The following LMOD3 variants were observed in gnomAD, a reference collection of about 807,000 sequenced individuals.
LMOD3 encodes leiomodin 3.
Under a neutral mutation model 41.8 loss-of-function variants are expected in LMOD3, and 31 were observed. The observed-to-expected ratio is 0.74, with a 90% confidence interval of 0.56 to 1.00. The LOEUF (loss-of-function observed/expected upper bound fraction) is 1.00. LMOD3 is among the 50% of genes least tolerant of loss of function. LMOD3 has a pLI of 0.00. For synonymous variants in LMOD3, 292 were observed against 241.9 expected (o/e 1.21, Z -1.92); for missense variants, 755 against 679.5 (o/e 1.11, Z -1.23).
intron 2 of LMOD3, among the ~76,000 whole-genome samples, chr3:69,113,269 A>G (rs2092357597): frequency 1.3e-5 from 2 of 152,200 alleles, no homozygotes; most frequent in South Asian, 4.1e-4. Flanking sequence ...TTGGGGACAG[A>G]TTGAACGTGC....
At chr3:69,112,261 C>T (rs1229434233) in intron 2 of LMOD3, among the ~76,000 whole-genome samples, 2 of 152,152 alleles carry the variant, frequency 1.3e-5, no homozygotes, top group African/African-American at 4.8e-5. Context: ...CACTCAGAGG[C>T]TTGGAGGCAG....
rs1441509750 is a variant in LMOD3 at position 69,122,526 on chromosome 3, T to TC, written c.-141dup. On this transcript the variant is annotated 5_prime_UTR_variant, in exon 1 of 3. Transcript: ENST00000420581. ...CACCCTTGAGATATTTTTTTTTTTT[T>TC]CCCAGGAACCTCAGTGGTTTGCTGA... 1.4e-5 allele frequency: 9 copies of TC among 631,382 alleles called. No homozygotes were observed. Among genetic ancestry groups the TC allele is most frequent in the African/African-American group, 1.1e-4 (6 of 53,836 alleles). 39.1% of individuals were successfully genotyped at this position (631,382 alleles called of 1,614,324 possible).
At chr3:69,117,065 C>T (rs1327530773) in intron 2 of LMOD3, among the ~76,000 whole-genome samples, 1 of 152,204 alleles carries the variant, frequency 6.6e-6, no homozygotes, top group Non-Finnish European at 1.5e-5. Flanking sequence ...AAACAATACC[C>T]CAATTCATTC....
At chr3:69,110,298 C>T (rs531881917) in intron 2 of LMOD3, among the ~76,000 whole-genome samples, 12 of 151,890 alleles carry the variant, frequency 7.9e-5, no homozygotes, top group Admixed American at 5.9e-4. Flanking sequence ...GGCATGATCC[C>T]GGCTCAAGAC....
rs1416850626 is a variant in LMOD3, at chr3:69,122,379, T to C, written c.8A>G (p.Glu3Gly). The C allele has an allele frequency of 6.4e-7, 1 of 1,572,700 alleles. No homozygotes were observed. The highest frequency in any genetic ancestry group is 8.6e-7 in the Non-Finnish European group (1 of 1,157,096). ...TTCTTGATCTGAATTTCTGCTGTGC[T>C]CTGACATTATTTTTTCTAAATATTA... MS[E>G]HSRNSDQEEL... Residue 3 changes from glutamate (E) to glycine (G), a missense_variant, in exon 1 of 3, where the codon GAG becomes GGG. By Grantham distance (98) the Glu-to-Gly change is moderately conservative. Transcript: ENST00000420581.
chr3:69,116,331 T>C (rs548533140), intron 2 of LMOD3, among the ~76,000 whole-genome samples: 31 of 152,318 alleles, frequency 2.0e-4, no homozygotes, highest in African/African-American at 7.5e-4. Context: ...AACAGATCTG[T>C]CACAGGCCAA....
In LMOD3 at chr3:69,119,949, C is replaced by T. The variant is rs755727319; in HGVS notation, c.406G>A (p.Gly136Ser). The change falls in exon 2 of 3, where the codon GGC becomes AGC. Residue 136 changes from glycine (G) to serine (S), a missense_variant. Coordinates refer to ENST00000420581, the MANE Select transcript of LMOD3 (RefSeq NM_198271.5). ...EIVANKRESK[G>S]SSNIQETDEE... Reference sequence around the variant, plus strand: ...TCTGTTTCTTGGATATTGCTGCTGCCCTTTGATTCTCTTTTATTTGCAACT... The same window carrying T: ...TCTGTTTCTTGGATATTGCTGCTGCTCTTTGATTCTCTTTTATTTGCAACT... 1.1e-5 allele frequency: 17 copies of T among 1,572,140 alleles called. No homozygotes were observed. In the East Asian group the frequency reaches 3.9e-4, roughly 36 times the overall value.
rs967476458 is a variant in LMOD3, at chr3:69,107,968, G to A, written c.*1127C>T. 5.3e-5 allele frequency: 8 copies of A among 152,186 alleles called. No homozygotes were observed. The highest frequency in any genetic ancestry group is 1.9e-4 in the African/African-American group (8 of 41,444). The allele number at this position is 152,186 out of a possible 1,614,324, so 9.4% of individuals were successfully genotyped here. On this transcript the variant is annotated 3_prime_UTR_variant, in exon 3 of 3. Transcript: ENST00000420581. ...GACCCGGGAGTTGAAGACTGGGTAGGACGTTCATTAATGGAGAACAGGAGG... is the reference window on the plus strand; with the variant it reads ...GACCCGGGAGTTGAAGACTGGGTAGAACGTTCATTAATGGAGAACAGGAGG...
rs560994239 is a variant in LMOD3 at position 69,119,715 on chromosome 3, A to G, written c.640T>C (p.Ser214Pro). 1.2e-6 allele frequency: 2 copies of G among 1,613,810 alleles called. No homozygotes were observed. Among genetic ancestry groups the G allele is most frequent in the East Asian group, 2.2e-5 (1 of 44,868 alleles). Residue 214 changes from serine to proline, a missense_variant, in exon 2 of 3, where the codon TCG becomes CCG. Physicochemically the swap from Ser to Pro is moderately conservative, Grantham distance 74 (BLOSUM62 -1). Transcript: ENST00000420581. ...EAQEQSEKKI[S>P]KLDPKKLALD... is the part of the protein sequence containing the mutation. ...GCTAACTTCTTAGGATCTAATTTCG[A>G]TATTTTTTTCTCACTTTGTTCTTGG...
chr3:69,113,131 G>A (rs1307389048), intron 2 of LMOD3, among the ~76,000 whole-genome samples: 5 of 152,078 alleles, frequency 3.3e-5, no homozygotes, highest in East Asian at 1.9e-4. Flanking sequence ...GGGGAGGAGG[G>A]GTCGAAGGAA....
Position 69,119,264 on chromosome 3 carries a change from A to C in LMOD3, c.1091T>G (p.Leu364Trp). ...CTTCAGGAGAGTGTTGTTTGCCTTC[A>C]AAAGCCTGGCTATTTCCATTTCAGC... ...HHAEMEIARL[L>W]KANNTLLKMG... is the part of the protein sequence containing the mutation. Residue 364 changes from leucine (L) to tryptophan (W), a missense_variant, in exon 2 of 3, where the codon TTG (leucine) becomes TGG (tryptophan). Coordinates refer to ENST00000420581, the MANE Select transcript of LMOD3 (RefSeq NM_198271.5). 1 of 1,613,952 alleles carries C rather than the reference A, an allele frequency of 6.2e-7. No homozygotes were observed.
rs2092329275 is a variant in LMOD3 at position 69,107,615 on chromosome 3, T to C, written c.*1480A>G. ...CCTCAGCCTCCCGAGTAGCTGGGAT[T>C]ACAGGTGCCTGCCATCATGCCCAGC... is the stretch of plus-strand genomic sequence containing the variant. On this transcript the variant is annotated 3_prime_UTR_variant, in exon 3 of 3. Coordinates refer to ENST00000420581, the MANE Select transcript of LMOD3 (RefSeq NM_198271.5). The C allele has an allele frequency of 6.6e-6, 1 of 151,530 alleles. No homozygotes were observed. Among genetic ancestry groups the C allele is most frequent in the African/African-American group, 2.4e-5 (1 of 41,142 alleles). 9.4% of individuals were successfully genotyped at this position (151,530 alleles called of 1,614,324 possible). A position where few individuals can be genotyped will look rare whatever the true frequency, so the allele number is the denominator to read the frequency against.
intron 1 of LMOD3, among the ~76,000 whole-genome samples, chr3:69,121,544 C>T (rs1018288076): frequency 1.3e-5 from 2 of 152,304 alleles, no homozygotes; most frequent in Middle Eastern, 6.8e-3. Flanking sequence ...TAATAGCCAT[C>T]GATTTCTAAA....
At chr3:69,110,555 T>C (rs1375250739) in intron 2 of LMOD3, among the ~76,000 whole-genome samples, 1 of 149,970 alleles carries the variant, frequency 6.7e-6, no homozygotes, top group East Asian at 2.1e-4. Context: ...AAGAGTTTTA[T>C]AACAAGGCTG....
chr3:69,110,853 A>AAAAAAAT (rs1458630453), intron 2 of LMOD3, among the ~76,000 whole-genome samples: 8 of 104,122 alleles, frequency 7.7e-5, no homozygotes, highest in Admixed American at 4.7e-4. Context: ...AAAAAAAAAA[A>AAAAAAAT]ATATATATAT....
At chr3:69,112,881 T>C (rs1464330396) in intron 2 of LMOD3, among the ~76,000 whole-genome samples, 2 of 152,244 alleles carry the variant, frequency 1.3e-5, no homozygotes, top group Admixed American at 6.5e-5. Context: ...TGAGAATCAC[T>C]ATATGGACTT....
chr3:69,116,642 T>A (rs2092374871), intron 2 of LMOD3, among the ~76,000 whole-genome samples: 1 of 152,228 alleles, frequency 6.6e-6, no homozygotes, highest in African/African-American at 2.4e-5. Context: ...AAAACTGTAG[T>A]GTTCTCAGTT....
chr3:69,119,324 C>T lies in LMOD3; in HGVS notation c.1031G>A (p.Arg344Gln), dbSNP rs558303713. 2.7e-5 allele frequency: 43 copies of T among 1,613,880 alleles called. No individual in the cohort carries two copies. In the South Asian group the frequency reaches 4.2e-4, roughly 16 times the overall value. Residue 344 changes from arginine to glutamine, a missense_variant, in exon 2 of 3, where the codon CGG (arginine) becomes CAG (glutamine). By Grantham distance (43) the Arg-to-Gln change is conservative. Transcript: ENST00000420581. ...CAACATGTGCCTCTGATTGTGAAAC[C>T]GAAGCTCAGTTAGCGTCTCATTAAA... ...LQFNETLTELRFHNQRHMLGH... is the reference protein window; with the variant it reads ...LQFNETLTELQFHNQRHMLGH...
intron 2 of LMOD3, 43 bp from the exon 3 acceptor site, chr3:69,109,164 G>T: frequency 6.3e-7 from 1 of 1,575,496 alleles, no homozygotes. Flanking sequence ...ATTAATCCTG[G>T]AAATTTAAGA....
Sources: allele counts gnomAD v4.1 joint callset (sites outside exome capture counted in the v4.1 genomes callset), GRCh38; gene constraint gnomAD v4.1.1; transcripts MANE v1.5; gene names NCBI Gene and HGNC (gene_info 2026-07-23, HGNC 2026-07-21).